The following IGF2R variants were observed in gnomAD, a reference collection of about 807,000 sequenced individuals.
IGF2R encodes the protein insulin like growth factor 2 receptor, also known as cation-independent mannose-6-phosphate receptor.
A neutral mutation model predicts 270.6 loss-of-function variants in IGF2R; 91 were observed. The ratio of observed to expected loss-of-function variants is 0.34; its 90% CI spans 0.28 to 0.40. The LOEUF (loss-of-function observed/expected upper bound fraction) is 0.40. Ranked by LOEUF, IGF2R falls within the 10% of genes least tolerant of loss-of-function variation. IGF2R has a pLI of 1.00. For missense variants in IGF2R, 2,805 were observed against 3,188.3 expected (o/e 0.88, Z 2.90); for synonymous variants, 1,316 against 1,258.9 (o/e 1.05, Z -0.96).
At chr6:160,049,425 GA>G (rs1455124347) in intron 18 of IGF2R, among the ~76,000 whole-genome samples, 1 of 152,210 alleles carries the variant, frequency 6.6e-6, no homozygotes, top group Non-Finnish European at 1.5e-5. Context: ...TGAACAGGGG[GA>G]CACTCTGGCC....
At chr6:160,094,054 T>G (rs1352131347) in intron 44 of IGF2R, 1 of 552,116 alleles carries the variant, frequency 1.8e-6, no homozygotes, top group Non-Finnish European at 3.5e-6. Context: ...AACTTGACAG[T>G]CCTCCTGTCC....
At chr6:160,079,071 T>G (rs1778917658) in intron 37 of IGF2R, among the ~76,000 whole-genome samples, 1 of 152,148 alleles carries the variant, frequency 6.6e-6, no homozygotes, top group Non-Finnish European at 1.5e-5. Context: ...TGGGCCCAGG[T>G]GTCAACACCC....
chr6:159,988,295 C>CAAGAGATT (rs1783920566), intron 1 of IGF2R, among the ~76,000 whole-genome samples: 1 of 151,986 alleles, frequency 6.6e-6, no homozygotes, highest in African/African-American at 2.4e-5. Context: ...GCAGGCGGAT[C>CAAGAGATT]ACGAGATCAG....
chr6:160,063,972 G>A (rs1274080223), intron 27 of IGF2R, among the ~76,000 whole-genome samples: 1 of 152,222 alleles, frequency 6.6e-6, no homozygotes, highest in East Asian at 1.9e-4. Flanking sequence ...CACAGGGAAT[G>A]CATTTAGTAC....
intron 2 of IGF2R, among the ~76,000 whole-genome samples, chr6:160,008,571 T>C (rs978211122): frequency 6.6e-6 from 1 of 152,214 alleles, no homozygotes; most frequent in Non-Finnish European, 1.5e-5. Flanking sequence ...ATGGGAAGTA[T>C]TGAAACATTT....
At chr6:160,043,596 C>T (rs1356819141) in intron 12 of IGF2R, among the ~76,000 whole-genome samples, 2 of 152,186 alleles carry the variant, frequency 1.3e-5, no homozygotes, top group Admixed American at 1.3e-4. Context: ...TGTTTGTGTA[C>T]AAGTGATTTT....
intron 19 of IGF2R, among the ~76,000 whole-genome samples, chr6:160,055,522 T>G (rs1778292839): frequency 6.6e-6 from 1 of 152,044 alleles, no homozygotes. Flanking sequence ...CACAAGCACA[T>G]TGTGAAGTGG....
In IGF2R at chr6:160,050,207, A is replaced by G. The variant is rs1466338550; in HGVS notation, c.2515-266A>G. On this transcript the variant is annotated intron_variant, in intron 18 of 47. Coordinates refer to ENST00000356956, the MANE Select transcript of IGF2R (RefSeq NM_000876.4). This position sits in a 1 kb window ranked among gnomAD's most constrained non-coding sequence, Gnocchi z 4.0. ...TAGCAATAATGGGGATGTGACTAGTATCTAGTGCTATGTGACTTTCAGTTA... is the reference window on the plus strand; with the variant it reads ...TAGCAATAATGGGGATGTGACTAGTGTCTAGTGCTATGTGACTTTCAGTTA... 6.6e-6 allele frequency among the ~76,000 whole-genome samples: 1 copy of G among 152,204 alleles called. No homozygotes were observed. Among genetic ancestry groups the G allele is most frequent in the African/African-American group, 2.4e-5 (1 of 41,436 alleles).
At chr6:160,081,860 T>C (rs573894997) in intron 39 of IGF2R, among the ~76,000 whole-genome samples, 1 of 152,352 alleles carries the variant, frequency 6.6e-6, no homozygotes, top group East Asian at 1.9e-4. Context: ...ACTTGTTCCT[T>C]GAAAATCACT....
At position 160,067,117 on chromosome 6, in the gene IGF2R, A is replaced by G. The variant is rs1022835030; in HGVS notation, c.4116-1132A>G. Among the ~76,000 whole-genome samples the G allele has an allele frequency of 2.6e-5, 4 of 152,192 alleles. No homozygotes were observed. In the East Asian group the frequency reaches 7.7e-4, roughly 29 times the overall value. On this transcript the variant is annotated intron_variant, in intron 29 of 47. Coordinates refer to ENST00000356956, the MANE Select transcript of IGF2R (RefSeq NM_000876.4). ...GGCTGAAGTTCTTCCTCTGATGGACATGACCCCCGTGTTGTCTCTAATAAC... is the reference window on the plus strand; with the variant it reads ...GGCTGAAGTTCTTCCTCTGATGGACGTGACCCCCGTGTTGTCTCTAATAAC...
rs1778158802 is a variant in IGF2R, at chr6:160,050,089, G to A, written c.2515-384G>A. Reference sequence around the variant, plus strand: ...TAGGGAGGTCTTCATAGTGGTTAGTGTCAGCCGTTCCACCGGAATTCAGGA... The same window carrying A: ...TAGGGAGGTCTTCATAGTGGTTAGTATCAGCCGTTCCACCGGAATTCAGGA... On this transcript the variant is annotated intron_variant, in intron 18 of 47. Coordinates refer to ENST00000356956, the MANE Select transcript of IGF2R (RefSeq NM_000876.4). This position sits in a 1 kb window ranked among gnomAD's most constrained non-coding sequence, Gnocchi z 4.0. Among the ~76,000 whole-genome samples the A allele has an allele frequency of 6.6e-6, 1 of 152,188 alleles. No homozygotes were observed. The highest frequency in any genetic ancestry group is 1.5e-5 in the Non-Finnish European group (1 of 68,036).
chr6:159,972,298 A>C (rs113586438), intron 1 of IGF2R, among the ~76,000 whole-genome samples: 1 of 152,204 alleles, frequency 6.6e-6, no homozygotes, highest in South Asian at 2.1e-4. Flanking sequence ...GCTTGGTCAC[A>C]TGGAGGCAGT....
At chr6:160,088,172 G>A (rs1375406114) in intron 42 of IGF2R, 25 bp downstream of exon 42, 8 of 1,400,900 alleles carry the variant, frequency 5.7e-6, no homozygotes, top group East Asian at 2.3e-5. Flanking sequence ...GGCTCAGAGC[G>A]GGACTGTGCA....
chr6:159,971,081 AAAAT>A (rs1300669485), intron 1 of IGF2R, among the ~76,000 whole-genome samples: 18 of 152,344 alleles, frequency 1.2e-4, no homozygotes, highest in Admixed American at 5.2e-4. Flanking sequence ...CCCTGTCTCA[AAAAT>A]AAATAAATAA....
intron 19 of IGF2R, among the ~76,000 whole-genome samples, chr6:160,051,340 G>T (rs190535789): frequency 1.5e-3 from 225 of 152,352 alleles, no homozygotes; most frequent in South Asian, 4.8e-3. Context: ...AGGTGTGATT[G>T]CTGTCCTCAG....
In IGF2R at chr6:160,069,859, G is replaced by A. The variant is rs199957675; in HGVS notation, c.4253-9G>A. On this transcript the variant is annotated splice_polypyrimidine_tract_variant and intron_variant, in intron 30 of 47. Coordinates refer to ENST00000356956, the MANE Select transcript of IGF2R (RefSeq NM_000876.4). ...TAAAGGCAACTCTTTCTTGTGTCTG[G>A]TGCTGCAGAGCCGTGCCCTCCAGAA... The A allele has an allele frequency of 3.5e-5, 57 of 1,612,876 alleles. No homozygotes were observed. The highest frequency in any genetic ancestry group is 9.9e-5 in the South Asian group (9 of 91,000).
At chr6:159,975,015 C>T (rs1161464488) in intron 1 of IGF2R, among the ~76,000 whole-genome samples, 1 of 152,150 alleles carries the variant, frequency 6.6e-6, no homozygotes, top group African/African-American at 2.4e-5. Flanking sequence ...AATGTGTGGT[C>T]GTTTTTCCCC....
intron 1 of IGF2R, among the ~76,000 whole-genome samples, chr6:159,981,792 A>C (rs1030534345): frequency 6.6e-6 from 1 of 152,062 alleles, no homozygotes; most frequent in Non-Finnish European, 1.5e-5. Flanking sequence ...CGCAGTCCCC[A>C]TTGCCTGCCC....
At position 160,078,264 on chromosome 6, in the gene IGF2R, G is replaced by A. The variant is rs371430710; in HGVS notation, c.5380G>A (p.Val1794Ile). 3.7e-5 allele frequency: 59 copies of A among 1,614,078 alleles called. No homozygotes were observed. The highest frequency in any genetic ancestry group is 1.7e-4 in the African/African-American group (13 of 74,938). ...DFVFEWETPV[V>I]CPDEVRMDGC... Reference sequence around the variant, plus strand: ...TGTGTTCGAATGGGAGACTCCTGTCGTCTGTCCTGATGAAGTGAGGATGGA... The same window carrying A: ...TGTGTTCGAATGGGAGACTCCTGTCATCTGTCCTGATGAAGTGAGGATGGA... Residue 1794 changes from valine to isoleucine, a missense_variant, in exon 37 of 48, where the codon GTC (valine) becomes ATC (isoleucine). Coordinates refer to ENST00000356956, the MANE Select transcript of IGF2R (RefSeq NM_000876.4).
Sources: gnomAD v4.1 joint callset for allele counts (sites outside exome capture counted in the v4.1 genomes callset) on GRCh38, gnomAD v4.1.1 for gene constraint, Gnocchi (gnomAD v3.1) non-coding constraint, MANE v1.5 for transcripts, NCBI Gene and HGNC (gene_info 2026-07-23, HGNC 2026-07-21) for gene names.